The following ZACN variants were observed in gnomAD, a reference collection of about 807,000 sequenced individuals.
ZACN encodes the protein zinc activated ion channel.
ZACN carries 52 observed loss-of-function variants against 38.9 expected under a neutral mutation model. The ratio of observed to expected loss-of-function variants is 1.34; its 90% CI spans 1.07 to 1.68. ZACN has a LOEUF of 1.68. Among genes scored for constraint, ZACN ranks in the 40% most tolerant of loss-of-function variants. ZACN has a pLI of 0.00. For synonymous variants in ZACN, 235 were observed against 227.4 expected (o/e 1.03, Z -0.30); for missense variants, 559 against 525.6 (o/e 1.06, Z -0.62).
intron 5 of ZACN, chr17:76,080,737 C>T (rs1175362460): frequency 1.9e-6 from 1 of 520,694 alleles, no homozygotes; most frequent in South Asian, 1.6e-5. Flanking sequence ...CCGAGCACAT[C>T]AGTCTTCTGT....
chr17:76,080,212 C>T (rs940418739), intron 4 of ZACN, 43 bp from the exon 5 acceptor site: 4 of 1,575,272 alleles, frequency 2.5e-6, no homozygotes, highest in African/African-American at 1.4e-5. Flanking sequence ...CGGCCCCGTC[C>T]AAGAAGGGGC....
intron 8 of ZACN, 172 bp from the exon 9 acceptor site, chr17:76,082,289 TAA>T (rs1343045459): frequency 1.3e-6 from 1 of 789,966 alleles, no homozygotes; most frequent in Non-Finnish European, 2.0e-6. Flanking sequence ...TTGCACAGCC[TAA>T]GAGGGTGTTT....
At position 76,081,655 on chromosome 17, in the gene ZACN, G is replaced by T. The variant is rs773278559; in HGVS notation, c.780G>T (p.Glu260Asp). 1 of 1,614,026 alleles carries T rather than the reference G, an allele frequency of 6.2e-7. No homozygotes were observed. Among genetic ancestry groups the T allele is most frequent in the African/African-American group, 1.3e-5 (1 of 74,944 alleles). ...CGGLLPLRAIERIGYKVTLLL... is the reference protein window; with the variant it reads ...CGGLLPLRAIDRIGYKVTLLL... ...GGTTGCTGCCCCTCCGGGCCATTGAGCGCATAGGCTACAAGGTGACATTGC... is the reference window on the plus strand; with the variant it reads ...GGTTGCTGCCCCTCCGGGCCATTGATCGCATAGGCTACAAGGTGACATTGC... The change falls in exon 7 of 9, where the codon GAG becomes GAT. Residue 260 changes from glutamate to aspartate, a missense_variant. By Grantham distance (45) the Glu-to-Asp change is conservative. Coordinates refer to ENST00000334586, the MANE Select transcript of ZACN (RefSeq NM_180990.4).
intron 8 of ZACN, 83 bp from the exon 9 acceptor site, chr17:76,082,380 C>G: frequency 3.6e-6 from 5 of 1,377,368 alleles, no homozygotes; most frequent in Non-Finnish European, 4.9e-6. Context: ...GCGATACAGG[C>G]TGATGACCCC....
rs1343275297 is a variant in ZACN at position 76,082,060 on chromosome 17, G to A, written c.1048+11G>A. 6.3e-7 allele frequency: 1 copy of A among 1,595,360 alleles called. No individual in the cohort carries two copies. The highest frequency in any genetic ancestry group is 1.1e-5 in the South Asian group (1 of 89,180). Reference sequence around the variant, plus strand: ...CTCATCCTGCTGAAGGTGGGCAGGGGCTGGGGGGTAAGGAATGAGGCCTAG... The same window carrying A: ...CTCATCCTGCTGAAGGTGGGCAGGGACTGGGGGGTAAGGAATGAGGCCTAG... On this transcript the variant is annotated intron_variant, in intron 8 of 8. Coordinates refer to ENST00000334586, the MANE Select transcript of ZACN (RefSeq NM_180990.4).
At chr17:76,080,572 G>A (rs1475454192) in intron 5 of ZACN, 148 bp downstream of exon 5, 3 of 1,163,532 alleles carry the variant, frequency 2.6e-6, no homozygotes, top group African/African-American at 3.0e-5. Flanking sequence ...TCTGTGTTCA[G>A]AGCAGTCTAC....
intron 8 of ZACN, 132 bp downstream of exon 8, chr17:76,082,181 C>G: frequency 8.8e-7 from 1 of 1,139,782 alleles, no homozygotes; most frequent in South Asian, 1.5e-5. Context: ...CTGGTCTCCA[C>G]CATGTCCTCC....
intron 4 of ZACN, 37 bp from the exon 5 acceptor site, chr17:76,080,218 G>T (rs780868665): frequency 9.5e-6 from 15 of 1,580,046 alleles, no homozygotes; most frequent in African/African-American, 1.4e-5. Context: ...CGTCCAAGAA[G>T]GGGCTGGGGC....
In ZACN at chr17:76,079,579, C is replaced by T. The variant is rs758193702; in HGVS notation, c.222+16C>T. 1.2e-6 allele frequency: 2 copies of T among 1,614,066 alleles called. No individual in the cohort carries two copies. The highest frequency in any genetic ancestry group is 4.5e-5 in the East Asian group (2 of 44,882). ...GTTTAATGTGGTAAGTGCCTCTAGG[C>T]CAAGGGCCCCAAGTGCTGAGCTGGG... On this transcript the variant is annotated intron_variant, in intron 2 of 8. Transcript: ENST00000334586.
chr17:76,080,416 G>A lies in ZACN; in HGVS notation c.536G>A (p.Ser179Asn). 6.2e-7 allele frequency: 1 copy of A among 1,613,814 alleles called. No homozygotes were observed. Among genetic ancestry groups the A allele is most frequent in the Non-Finnish European group, 8.5e-7 (1 of 1,179,990 alleles). The change falls in exon 5 of 9, where the codon AGC (serine) becomes AAC (asparagine). Residue 179 changes from serine to asparagine, a missense_variant. By Grantham distance (46) the Ser-to-Asn change is conservative. Coordinates refer to ENST00000334586, the MANE Select transcript of ZACN (RefSeq NM_180990.4). ...SNCSLSFYALSNTAMELEFQA... is the reference protein window; with the variant it reads ...SNCSLSFYALNNTAMELEFQA... ...TGCAGCCTCAGCTTCTACGCTCTCAGCAACACGGGTGCTGACAGGGCAGGG... is the reference window on the plus strand; with the variant it reads ...TGCAGCCTCAGCTTCTACGCTCTCAACAACACGGGTGCTGACAGGGCAGGG...
In ZACN at chr17:76,081,331, A is replaced by AG. The variant is rs751384943; in HGVS notation, c.601dup (p.Glu201GlyfsTer6). 1 of 1,614,120 alleles carries AG rather than the reference A, an allele frequency of 6.2e-7. No homozygotes were observed. The highest frequency in any genetic ancestry group is 8.5e-7 in the Non-Finnish European group (1 of 1,180,028). ...GGTGAACGAGATTGTGAGTGTCAAG[A>AG]GGGAATACGTAGTTTATGATCTGAA... On this transcript the variant is annotated frameshift_variant, in exon 6 of 9. Coordinates refer to ENST00000334586, the MANE Select transcript of ZACN (RefSeq NM_180990.4). LOFTEE classifies it high-confidence loss of function.
Position 76,079,321 on chromosome 17 carries a change from G to A in ZACN, c.57G>A (p.Leu19=). ...CCTTCCTGGGGTTCAGCATTACCTT[G>A]CTGTTGGTCCACGGGCAGGGCTTCC... ...HLTFLGFSIT[L]LLVHGQGFQG... is the part of the protein sequence containing the mutation. Residue 19 remains leucine, a synonymous_variant, in exon 1 of 9, where the codon TTG becomes TTA. Coordinates refer to ENST00000334586, the MANE Select transcript of ZACN (RefSeq NM_180990.4). 1 of 1,614,140 alleles carries A rather than the reference G, an allele frequency of 6.2e-7. No homozygotes were observed. The highest frequency in any genetic ancestry group is 8.5e-7 in the Non-Finnish European group (1 of 1,180,010).
intron 4 of ZACN, 85 bp downstream of exon 4, chr17:76,080,079 AAT>A: frequency 6.7e-7 from 1 of 1,488,918 alleles, no homozygotes; most frequent in Non-Finnish European, 9.1e-7. Context: ...TGTCTGAGTG[AAT>A]ATGACCCTCC....
Position 76,081,767 on chromosome 17 carries a change from T to C in ZACN, c.880+12T>C. 1 of 1,613,928 alleles carries C rather than the reference T, an allele frequency of 6.2e-7. No individual in the cohort carries two copies. ...CAACCCACTGCTCAGTAAGCCCTGC[T>C]CCCTTACCCAGTCTGCCCTGTTTCT... On this transcript the variant is annotated intron_variant, in intron 7 of 8. Transcript: ENST00000334586.
intron 6 of ZACN, 40 bp from the exon 7 acceptor site, chr17:76,081,505 T>G (rs976104701): frequency 2.5e-6 from 4 of 1,610,672 alleles, no homozygotes; most frequent in African/African-American, 1.3e-5. Flanking sequence ...GCCCACCTCC[T>G]TCCCCCCCGC....
chr17:76,081,475 C>T, intron 6 of ZACN, 70 bp from the exon 7 acceptor site: 1 of 1,610,424 alleles, frequency 6.2e-7, no homozygotes, highest in Non-Finnish European at 8.5e-7. Context: ...CGGCCAGAGG[C>T]CAGGCCCCAT....
intron 5 of ZACN, 31 bp from the exon 6 acceptor site, chr17:76,081,247 C>T: frequency 6.2e-7 from 1 of 1,611,770 alleles, no homozygotes. Flanking sequence ...TCTCTCCTTC[C>T]TGGTTCATAG....
At chr17:76,080,775 C>A in intron 5 of ZACN, 1 of 491,938 alleles carries the variant, frequency 2.0e-6, no homozygotes, top group South Asian at 1.6e-5. Context: ...CCCTCCACAG[C>A]CATGGCGACT....
At chr17:76,080,062 T>C (rs2066925306) in intron 4 of ZACN, 68 bp downstream of exon 4, 3 of 1,510,258 alleles carry the variant, frequency 2.0e-6, no homozygotes, top group African/African-American at 1.4e-5. Flanking sequence ...ATCTACAACC[T>C]AGAGGCTGTC....
Sources: gnomAD v4.1 joint callset for allele counts on GRCh38, gnomAD v4.1.1 for gene constraint, MANE v1.5 for transcripts, NCBI Gene and HGNC (gene_info 2026-07-23, HGNC 2026-07-21) for gene names.